Variants in CCNC observed in about 807,000 individuals in gnomAD.
The protein encoded by CCNC is cyclin C.
Under a neutral mutation model 50.0 loss-of-function variants are expected in CCNC, and 19 were observed. The ratio of observed to expected loss-of-function variants is 0.38; its 90% CI spans 0.27 to 0.56. The LOEUF is 0.56. Among genes scored for constraint, CCNC ranks in the 20% least tolerant of loss-of-function variants. The pLI is 0.72. For synonymous variants in CCNC, 93 were observed against 103.7 expected, an observed-to-expected ratio of 0.90 and a Z score of 0.63; for missense variants, 200 against 327.1, an observed-to-expected ratio of 0.61 and a Z score of 3.00.
chr6:99,557,485 GGA>G (rs1442029020), intron 5 of CCNC: 1 of 152,064 alleles, frequency 6.6e-6, no homozygotes, highest in Non-Finnish European at 1.5e-5. Flanking sequence ...GACTGTATTT[GGA>G]GAGAGGGTCT....
chr6:99,566,642 T>A (rs1769139255), intron 1 of CCNC, among the ~76,000 whole-genome samples: 1 of 152,196 alleles, frequency 6.6e-6, no homozygotes. Flanking sequence ...AGTCATTTTA[T>A]GTTTTTAAAA....
intron 5 of CCNC, chr6:99,557,167 C>T (rs1381192547): frequency 6.6e-6 from 1 of 152,218 alleles, no homozygotes; most frequent in East Asian, 1.9e-4. Context: ...TTTCTGGATT[C>T]ATGAAACAAT....
chr6:99,567,481 C>T (rs898650014), intron 1 of CCNC, among the ~76,000 whole-genome samples: 6 of 152,134 alleles, frequency 3.9e-5, no homozygotes, highest in Non-Finnish European at 5.9e-5. Context: ...GTCATCTCCA[C>T]AGAATCACTT....
At chr6:99,555,755 A>C (rs1257444881) in intron 5 of CCNC, among the ~76,000 whole-genome samples, 1 of 152,106 alleles carries the variant, frequency 6.6e-6, no homozygotes, top group Non-Finnish European at 1.5e-5. Context: ...GCAACTCTTA[A>C]ATGTTATCAA....
In CCNC at chr6:99,566,277, T is replaced by C. The variant is rs574073128; in HGVS notation, c.32+2219A>G. Among the ~76,000 whole-genome samples the C allele has an allele frequency of 5.0e-3, 754 of 151,432 alleles. 7 individuals are homozygous for C. The highest frequency in any genetic ancestry group is 0.017 in the African/African-American group (722 of 41,338). ...TCGTTATCTATTTTAAGTCTTTCTGTTTCTTTAGGTTTATTTCATGTTTCC... is the reference window on the plus strand; with the variant it reads ...TCGTTATCTATTTTAAGTCTTTCTGCTTCTTTAGGTTTATTTCATGTTTCC... On this transcript the variant is annotated intron_variant, in intron 1 of 11. Transcript: ENST00000520429.
intron 1 of CCNC, 72 bp from the exon 2 acceptor site, chr6:99,563,020 C>A: frequency 2.1e-6 from 2 of 943,290 alleles, no homozygotes; most frequent in South Asian, 2.9e-5. Flanking sequence ...ACACATTGTT[C>A]ATATTCTGAG....
chr6:99,564,066 G>C (rs1768990822), intron 1 of CCNC, among the ~76,000 whole-genome samples: 1 of 152,122 alleles, frequency 6.6e-6, no homozygotes, highest in African/African-American at 2.4e-5. Flanking sequence ...CACATTGTCA[G>C]TTTACCCTCC....
At chr6:99,551,661 AC>A (rs1196226064) in intron 6 of CCNC, among the ~76,000 whole-genome samples, 178 bp downstream of exon 6, 1 of 152,186 alleles carries the variant, frequency 6.6e-6, no homozygotes, top group Non-Finnish European at 1.5e-5. Context: ...GATAATCGCC[AC>A]TATGAAGTAT....
At chr6:99,562,636 G>C (rs2114399849) in intron 2 of CCNC, 1 of 466,464 alleles carries the variant, frequency 2.1e-6, no homozygotes, top group Non-Finnish European at 3.8e-6. Flanking sequence ...AAATTGTCTT[G>C]AGTGCCTGTG....
chr6:99,553,039 CAAA>C (rs11325067), intron 5 of CCNC, among the ~76,000 whole-genome samples: 1 of 144,404 alleles, frequency 6.9e-6, no homozygotes. Context: ...GACTCCATCT[CAAA>C]AAAAAAAAAA....
At chr6:99,544,014 C>CAAAAAAAAAAAAAAAAAAAA (rs58452257) in intron 11 of CCNC, 1 of 921,988 alleles carries the variant, frequency 1.1e-6, no homozygotes. Context: ...AAGTGTTCTT[C>CAAAAAAAAAAAAAAAAAAAA]AAAAAAAAAA....
intron 5 of CCNC, among the ~76,000 whole-genome samples, chr6:99,555,450 T>C (rs519695): frequency 0.39 from 59,141 of 151,542 alleles, 11,710 homozygotes; most frequent in East Asian, 0.53. Context: ...TTTTTTTTAA[T>C]TTTTAGGGAC....
intron 6 of CCNC, 118 bp from the exon 7 acceptor site, chr6:99,551,146 G>T: frequency 2.3e-6 from 1 of 441,562 alleles, no homozygotes; most frequent in Non-Finnish European, 3.5e-6. Flanking sequence ...TTACTAAAAA[G>T]TTTTAAAAAT....
At chr6:99,551,443 T>A (rs1056576509) in intron 6 of CCNC, among the ~76,000 whole-genome samples, 5 of 152,154 alleles carry the variant, frequency 3.3e-5, no homozygotes, top group African/African-American at 1.2e-4. Context: ...GACATACCTA[T>A]TAAAATGTCA....
rs1769254983 is a variant in CCNC at position 99,568,475 on chromosome 6, AGAAGACG to A, written c.32+14_32+20del. On this transcript the variant is annotated intron_variant, in intron 1 of 11. Transcript: ENST00000520429. ...CTCCCCCAAAAACCGGCCCCAGGTG[AGAAGACG>A]GAAGATCGCTTACTAGTGGGAGCTC... 5.0e-6 allele frequency: 8 copies of A among 1,610,602 alleles called. No individual in the cohort carries two copies. The highest frequency in any genetic ancestry group is 6.8e-6 in the Non-Finnish European group (8 of 1,178,192).
At chr6:99,558,887 C>T (rs954311147) in intron 4 of CCNC, among the ~76,000 whole-genome samples, 5 of 152,180 alleles carry the variant, frequency 3.3e-5, no homozygotes, top group South Asian at 2.1e-4. Flanking sequence ...TTTCAGATTA[C>T]GGATATTCTG....
chr6:99,562,784 C>T (rs1802837046), intron 2 of CCNC, 58 bp downstream of exon 2: 3 of 971,974 alleles, frequency 3.1e-6, no homozygotes, highest in Non-Finnish European at 4.6e-6. Context: ...CACACAAAAA[C>T]ATTTTTATTC....
Position 99,547,600 on chromosome 6 carries a change from A to G in CCNC, c.599-1126T>C, listed in dbSNP as rs77702357. On this transcript the variant is annotated intron_variant, in intron 9 of 11. Transcript: ENST00000520429. ...CACTACTGACATCTTAGGTTGAACA[A>G]TTCTTTGACACTGTCTTGAATACTA... Among the ~76,000 whole-genome samples the G allele has an allele frequency of 4.9e-3, 744 of 152,300 alleles. 1 individual carries two copies. Among genetic ancestry groups the G allele is most frequent in the African/African-American group, 0.017 (711 of 41,562 alleles).
At chr6:99,561,035 T>A (rs1802758785) in intron 4 of CCNC, among the ~76,000 whole-genome samples, 1 of 152,206 alleles carries the variant, frequency 6.6e-6, no homozygotes, top group African/African-American at 2.4e-5. Context: ...GAGACTCCCA[T>A]GGTTCAAACA....
Sources: allele counts gnomAD v4.1 joint callset (sites outside exome capture counted in the v4.1 genomes callset), GRCh38; gene constraint gnomAD v4.1.1; transcripts MANE v1.5; gene names NCBI Gene and HGNC (gene_info 2026-07-23, HGNC 2026-07-21).